Variants in SORCS3 observed in about 807,000 individuals in gnomAD.
SORCS3 encodes the protein VPS10 domain-containing receptor SorCS3.
A neutral mutation model predicts 146.3 loss-of-function variants in SORCS3; 57 were observed. The ratio of observed to expected loss-of-function variants is 0.39; its 90% CI spans 0.31 to 0.49. SORCS3 has a LOEUF of 0.49. Among genes scored for constraint, SORCS3 ranks in the 20% least tolerant of loss-of-function variants. The pLI, the probability that SORCS3 is intolerant of heterozygous loss-of-function variation, is 0.92. For synonymous variants in SORCS3, 653 were observed against 618.5 expected, an observed-to-expected ratio of 1.06 and a Z score of -0.83; for missense variants, 1,341 against 1,575.5, an observed-to-expected ratio of 0.85 and a Z score of 2.52.
chr10:104,770,007 G>T (rs1237318057), intron 1 of SORCS3, among the ~76,000 whole-genome samples: 2 of 152,110 alleles, frequency 1.3e-5, no homozygotes, highest in Non-Finnish European at 2.9e-5. Context: ...GTCACTAGGG[G>T]TATTCATGTA....
At chr10:105,027,795 C>T (rs1405325351) in intron 4 of SORCS3, among the ~76,000 whole-genome samples, 1 of 152,170 alleles carries the variant, frequency 6.6e-6, no homozygotes, top group Middle Eastern at 3.2e-3. Context: ...GGACATGGTG[C>T]TGAAGGGCTT....
chr10:105,243,629 A>C (rs1435637253), intron 20 of SORCS3, among the ~76,000 whole-genome samples: 1 of 152,172 alleles, frequency 6.6e-6, no homozygotes, highest in African/African-American at 2.4e-5. Flanking sequence ...AGAATGCCTG[A>C]ACTCTGAGGT....
intron 2 of SORCS3, among the ~76,000 whole-genome samples, chr10:104,890,071 A>G (rs749570255): frequency 6.6e-6 from 1 of 152,036 alleles, no homozygotes. Flanking sequence ...CATTCCATAT[A>G]TCTTTTTTTC....
At chr10:105,009,487 ATCT>A (rs1190638529) in intron 4 of SORCS3, among the ~76,000 whole-genome samples, 2 of 149,472 alleles carry the variant, frequency 1.3e-5, no homozygotes, top group African/African-American at 2.5e-5. Flanking sequence ...AGATCAATAG[ATCT>A]TCTTCCCTGT....
chr10:105,052,881 A>T (rs1403347075), intron 5 of SORCS3, among the ~76,000 whole-genome samples: 1 of 152,066 alleles, frequency 6.6e-6, no homozygotes, highest in Non-Finnish European at 1.5e-5. Flanking sequence ...GAAATCTGTT[A>T]TTGTTCTGCT....
chr10:104,794,645 G>A (rs1274527241), intron 1 of SORCS3, among the ~76,000 whole-genome samples: 2 of 150,784 alleles, frequency 1.3e-5, no homozygotes, highest in Non-Finnish European at 1.5e-5. Flanking sequence ...GAGAGAGAGA[G>A]AGAGAGAGAG....
At chr10:104,718,696 G>A (rs1371853954) in intron 1 of SORCS3, among the ~76,000 whole-genome samples, 1 of 152,186 alleles carries the variant, frequency 6.6e-6, no homozygotes, top group East Asian at 1.9e-4. Context: ...TAGGTGTGTT[G>A]AGTGTGAGAA....
At chr10:104,750,111 A>G (rs2016966925) in intron 1 of SORCS3, among the ~76,000 whole-genome samples, 1 of 152,174 alleles carries the variant, frequency 6.6e-6, no homozygotes, top group Non-Finnish European at 1.5e-5. Flanking sequence ...ATTACATACT[A>G]TGATGTTTGC....
chr10:104,788,998 C>G (rs1365951002), intron 1 of SORCS3, among the ~76,000 whole-genome samples: 4 of 152,204 alleles, frequency 2.6e-5, no homozygotes, highest in African/African-American at 7.2e-5. Context: ...CTTCCCCCAC[C>G]TGGGCTCCTA....
At chr10:104,876,362 G>T (rs2018571551) in intron 2 of SORCS3, among the ~76,000 whole-genome samples, 1 of 152,052 alleles carries the variant, frequency 6.6e-6, no homozygotes, top group Non-Finnish European at 1.5e-5. Flanking sequence ...TTTTCATTTG[G>T]CTATTAACAA....
At chr10:104,858,947 A>AC (rs2018368267) in intron 2 of SORCS3, among the ~76,000 whole-genome samples, 1 of 150,950 alleles carries the variant, frequency 6.6e-6, no homozygotes, top group African/African-American at 2.4e-5. Flanking sequence ...ATAAAAAAAA[A>AC]AAAAAACAAC....
chr10:105,008,273 G>T (rs975540417), intron 4 of SORCS3, among the ~76,000 whole-genome samples: 2 of 152,154 alleles, frequency 1.3e-5, no homozygotes, highest in African/African-American at 4.8e-5. Context: ...GGAATCCCTA[G>T]TAGTCATCCT....
At chr10:104,992,246 C>T (rs2054998792) in intron 4 of SORCS3, among the ~76,000 whole-genome samples, 1 of 152,044 alleles carries the variant, frequency 6.6e-6, no homozygotes, top group Non-Finnish European at 1.5e-5. Context: ...TGGCCTTGAC[C>T]CTGGACAAGA....
At chr10:104,735,936 G>T (rs1298846800) in intron 1 of SORCS3, among the ~76,000 whole-genome samples, 1 of 152,072 alleles carries the variant, frequency 6.6e-6, no homozygotes, top group Non-Finnish European at 1.5e-5. Flanking sequence ...CAATACAGTA[G>T]TAGCCCAAGG....
At chr10:104,901,666 C>A (rs766582051) in intron 2 of SORCS3, among the ~76,000 whole-genome samples, 14 of 152,200 alleles carry the variant, frequency 9.2e-5, no homozygotes, top group Admixed American at 2.6e-4. Flanking sequence ...CTTGCCCAGC[C>A]TTTCCTGGTG....
chr10:104,874,179 A>G (rs2018546899), intron 2 of SORCS3, among the ~76,000 whole-genome samples: 1 of 152,128 alleles, frequency 6.6e-6, no homozygotes, highest in Non-Finnish European at 1.5e-5. Flanking sequence ...CTCTTTGTTT[A>G]AGAGGATTTG....
chr10:105,101,308 C>T (rs1425897632), intron 6 of SORCS3, among the ~76,000 whole-genome samples: 1 of 152,144 alleles, frequency 6.6e-6, no homozygotes, highest in African/African-American at 2.4e-5. Flanking sequence ...AGCCACAGTT[C>T]CTCCACGACC....
intron 1 of SORCS3, among the ~76,000 whole-genome samples, chr10:104,786,320 G>C (rs2017435543): frequency 6.6e-6 from 1 of 151,260 alleles, no homozygotes; most frequent in South Asian, 2.1e-4. Flanking sequence ...GGGAGGCCAA[G>C]GAAGGCAGAT....
chr10:105,189,531 T>A (rs2056500057), intron 14 of SORCS3, among the ~76,000 whole-genome samples: 1 of 152,168 alleles, frequency 6.6e-6, no homozygotes, highest in South Asian at 2.1e-4. Flanking sequence ...GGAAAGTAAG[T>A]CTTGGCTGAA....
Sources: allele counts gnomAD v4.1 joint callset (sites outside exome capture counted in the v4.1 genomes callset), GRCh38; gene constraint gnomAD v4.1.1; transcripts MANE v1.5; gene names NCBI Gene and HGNC (gene_info 2026-07-23, HGNC 2026-07-21).